The following PGLYRP3 variants were observed in gnomAD, a reference collection of about 807,000 sequenced individuals.
PGLYRP3 encodes the protein peptidoglycan recognition protein 3, also known as peptidoglycan recognition protein I alpha.
In PGLYRP3, 39 loss-of-function variants were observed where a neutral mutation model predicts 36.0. That is an observed-to-expected ratio of 1.08 (90% CI 0.84 to 1.41). The LOEUF (loss-of-function observed/expected upper bound fraction) is 1.41, where lower values mean the gene tolerates loss of function less well. PGLYRP3 is among the 40% of genes most tolerant of loss of function. The probability of loss-of-function intolerance (pLI) is 0.00; values close to 1 mark genes in which losing one functional copy is unlikely to be tolerated. For missense variants in PGLYRP3, 407 were observed against 427.9 expected, an observed-to-expected ratio of 0.95 and a Z score of 0.43; for synonymous variants, 204 against 172.8, an observed-to-expected ratio of 1.18 and a Z score of -1.42.
At position 153,297,874 on chromosome 1, in the gene PGLYRP3, G is replaced by T. The variant is rs1319994226; in HGVS notation, c.*82C>A. 6.8e-7 allele frequency: 1 copy of T among 1,478,436 alleles called. No homozygotes were observed. Among genetic ancestry groups the T allele is most frequent in the African/African-American group, 1.4e-5 (1 of 71,838 alleles). The allele number at this position is 1,478,436 out of a possible 1,614,324, so 91.6% of individuals were successfully genotyped here. The stretch of plus-strand genomic sequence containing the variant: ...GGGCTGGCAGGGGAGGGGGACACAA[G>T]GTGCTGAGCCACCTTGGCTGGTGAG... On this transcript the variant is annotated 3_prime_UTR_variant, in exon 8 of 8. Transcript: ENST00000683862.
chr1:153,310,585 T>A (rs1659869593), intron 2 of PGLYRP3, 26 bp downstream of exon 2: 1 of 1,612,318 alleles, frequency 6.2e-7, no homozygotes, highest in Admixed American at 1.7e-5. Context: ...TCAAAAGCAC[T>A]TCTGATGCAA....
chr1:153,302,390 T>G lies in PGLYRP3; in HGVS notation c.728+19A>C. On this transcript the variant is annotated intron_variant, in intron 6 of 7. Coordinates refer to ENST00000683862, the MANE Select transcript of PGLYRP3 (RefSeq NM_052891.3). ...ATCCTGAAGAAAAAGAGGGTTCTTT[T>G]GGCATTGATCCCACTTACTGATATC... 6.2e-7 allele frequency: 1 copy of G among 1,611,958 alleles called. No homozygotes were observed. Among genetic ancestry groups the G allele is most frequent in the Non-Finnish European group, 8.5e-7 (1 of 1,178,044 alleles).
chr1:153,303,699 G>T (rs1659659507), intron 5 of PGLYRP3, among the ~76,000 whole-genome samples, 158 bp downstream of exon 5: 1 of 152,214 alleles, frequency 6.6e-6, no homozygotes, highest in Admixed American at 6.5e-5. Flanking sequence ...AGGCCAGGAA[G>T]ATGCCCTCTC....
Position 153,298,112 on chromosome 1 carries a change from C to A in PGLYRP3, c.870G>T (p.Ala290=). The change falls in exon 8 of 8, where the codon GCG becomes GCT. Residue 290 remains alanine (A), a synonymous_variant. Coordinates refer to ENST00000683862, the MANE Select transcript of PGLYRP3 (RefSeq NM_052891.3). ...GGATCAGGTCCTGGGCCGCCTCCAG[C>A]GCTGCAGCATTTGGAGGCTTTTCTG... ...YFVEKPPNAA[A]LEAAQDLIQC... 6.2e-7 allele frequency: 1 copy of A among 1,613,892 alleles called. No individual in the cohort carries two copies.
At chr1:153,303,288 G>A (rs1211669425) in intron 5 of PGLYRP3, among the ~76,000 whole-genome samples, 4 of 152,184 alleles carry the variant, frequency 2.6e-5, no homozygotes, top group African/African-American at 9.7e-5. Flanking sequence ...GTGAGCACAA[G>A]CTTTTCTCCG....
Position 153,297,646 on chromosome 1 carries a change from G to C in PGLYRP3, c.*310C>G, listed in dbSNP as rs933407153. Among the ~76,000 whole-genome samples, 2 of 151,952 alleles carry C rather than the reference G, an allele frequency of 1.3e-5. No homozygotes were observed. The highest frequency in any genetic ancestry group is 2.4e-5 in the African/African-American group (1 of 41,318). ...AAGAAAGAAGAGGAGACAGGGGTTG[G>C]GGGGAGAGAGAGAGAAATGCCACAA... is the stretch of plus-strand genomic sequence containing the variant. On this transcript the variant is annotated 3_prime_UTR_variant, in exon 8 of 8. Coordinates refer to ENST00000683862, the MANE Select transcript of PGLYRP3 (RefSeq NM_052891.3).
At position 153,310,700 on chromosome 1, in the gene PGLYRP3, G is replaced by T. The variant is rs148920280; in HGVS notation, c.-35C>A. On this transcript the variant is annotated 5_prime_UTR_variant, in exon 2 of 8. Coordinates refer to ENST00000683862, the MANE Select transcript of PGLYRP3 (RefSeq NM_052891.3). ...GGACTCTGACCGGGAGAGTGTGGACGGCAGCCCTGGAAGAGAGGCTAACAG... is the reference window on the plus strand; with the variant it reads ...GGACTCTGACCGGGAGAGTGTGGACTGCAGCCCTGGAAGAGAGGCTAACAG... 93 of 1,598,382 alleles carry T rather than the reference G, an allele frequency of 5.8e-5. 1 individual carries two copies. In the East Asian group the frequency reaches 2.1e-3, roughly 35 times the overall value.
chr1:153,297,614 G>C lies in PGLYRP3; in HGVS notation c.*342C>G, dbSNP rs1429278577. On this transcript the variant is annotated 3_prime_UTR_variant, in exon 8 of 8. Coordinates refer to ENST00000683862, the MANE Select transcript of PGLYRP3 (RefSeq NM_052891.3). ...AAAGAAAGAAAGAAAGAGAAAGGAA[G>C]CAAAGAAAGAAAGAAGAGGAGACAG... Among the ~76,000 whole-genome samples the C allele has an allele frequency of 6.7e-6, 1 of 148,464 alleles. No individual in the cohort carries two copies. The highest frequency in any genetic ancestry group is 1.5e-5 in the Non-Finnish European group (1 of 67,720).
Position 153,297,537 on chromosome 1 carries a change from AG to A in PGLYRP3, c.*418del, listed in dbSNP as rs1557805248. 4.5e-4 allele frequency among the ~76,000 whole-genome samples: 41 copies of A among 91,254 alleles called. No individual in the cohort carries two copies. The highest frequency in any genetic ancestry group is 1.7e-3 in the African/African-American group (39 of 22,460). 59.9% of individuals were successfully genotyped at this position (91,254 alleles called of 152,430 possible). On this transcript the variant is annotated 3_prime_UTR_variant, in exon 8 of 8. Transcript: ENST00000683862. ...AAGGAAGGAAGGAAGGAAGGAAGGA[AG>A]GAAGGAAGGAAGGAAAGAAAGAAAA...
chr1:153,303,730 G>A, intron 5 of PGLYRP3, 127 bp downstream of exon 5: 1 of 1,122,280 alleles, frequency 8.9e-7, no homozygotes, highest in Non-Finnish European at 1.2e-6. Context: ...AGATCTCAAA[G>A]TAGGCATGAG....
intron 6 of PGLYRP3, among the ~76,000 whole-genome samples, chr1:153,299,733 A>G (rs1458651884): frequency 6.6e-6 from 1 of 152,168 alleles, no homozygotes; most frequent in Non-Finnish European, 1.5e-5. Context: ...AGCTTCAAGT[A>G]CTACCTGTAA....
Position 153,298,047 on chromosome 1 carries a change from A to G in PGLYRP3, c.935T>C (p.Leu312Pro), listed in dbSNP as rs762385160. ...VVEGYLTPNY[L>P]LMGHSDVVNI... ...GACCACGTCACTGTGGCCCATCAGC[A>G]GGTAGTTTGGAGTCAGGTACCCCTC... The change falls in exon 8 of 8, where the codon CTG becomes CCG. Residue 312 changes from leucine to proline, a missense_variant. Coordinates refer to ENST00000683862, the MANE Select transcript of PGLYRP3 (RefSeq NM_052891.3). 6.2e-7 allele frequency: 1 copy of G among 1,614,092 alleles called. No individual in the cohort carries two copies. Among genetic ancestry groups the G allele is most frequent in the South Asian group, 1.1e-5 (1 of 91,084 alleles).
rs374948355 is a variant in PGLYRP3, at chr1:153,297,924, G to A, written c.*32C>T. ...GGGTTGGAGAGACCCAGCAGGGGAG[G>A]GAGGGCAGTCTCAAAGGGAGTGGGG... On this transcript the variant is annotated 3_prime_UTR_variant, in exon 8 of 8. Coordinates refer to ENST00000683862, the MANE Select transcript of PGLYRP3 (RefSeq NM_052891.3). 29 of 1,606,302 alleles carry A rather than the reference G, an allele frequency of 1.8e-5. No homozygotes were observed. The highest frequency in any genetic ancestry group is 2.1e-5 in the Non-Finnish European group (25 of 1,174,820).
At chr1:153,298,652 T>C (rs1468722483) in intron 7 of PGLYRP3, among the ~76,000 whole-genome samples, 3 of 151,860 alleles carry the variant, frequency 2.0e-5, no homozygotes, top group Non-Finnish European at 4.4e-5. Flanking sequence ...CAAAAATAAA[T>C]AAATAAATAT....
chr1:153,305,170 A>G (rs558382535), intron 3 of PGLYRP3, 105 bp from the exon 4 acceptor site: 6 of 826,312 alleles, frequency 7.3e-6, no homozygotes, highest in African/African-American at 5.2e-5. Context: ...AGTAAGTACT[A>G]TGTTCCAATA....
chr1:153,309,733 A>G (rs996237688), intron 2 of PGLYRP3, among the ~76,000 whole-genome samples: 2 of 152,166 alleles, frequency 1.3e-5, no homozygotes, highest in African/African-American at 4.8e-5. Context: ...CACTTTACAA[A>G]TGAAACCCAC....
At chr1:153,307,510 G>C (rs1229623426) in intron 2 of PGLYRP3, among the ~76,000 whole-genome samples, 1 of 152,094 alleles carries the variant, frequency 6.6e-6, no homozygotes, top group Non-Finnish European at 1.5e-5. Context: ...ATCTCTCCTT[G>C]TCTTTCCCTG....
Position 153,307,813 on chromosome 1 carries a change from C to G in PGLYRP3, c.56-546G>C, listed in dbSNP as rs113271600. Among the ~76,000 whole-genome samples, 511 of 152,230 alleles carry G rather than the reference C, an allele frequency of 3.4e-3. 2 individuals carry two copies. The highest frequency in any genetic ancestry group is 0.011 in the African/African-American group (469 of 41,530). On this transcript the variant is annotated intron_variant, in intron 2 of 7. Coordinates refer to ENST00000683862, the MANE Select transcript of PGLYRP3 (RefSeq NM_052891.3). The stretch of plus-strand genomic sequence containing the variant: ...GGGGTCTGCACCTCTTTCTTCCGGG[C>G]GAACACTCCCTAGCGGCAGGGCTGT...
Position 153,307,232 on chromosome 1 carries a change from C to T in PGLYRP3, c.91G>A (p.Ala31Thr), listed in dbSNP as rs369093535. 2 of 1,608,868 alleles carry T rather than the reference C, an allele frequency of 1.2e-6. No homozygotes were observed. The highest frequency in any genetic ancestry group is 1.1e-5 in the South Asian group (1 of 89,936). Residue 31 changes from alanine (A) to threonine (T), a missense_variant, in exon 3 of 8, where the codon GCA becomes ACA. Transcript: ENST00000683862. Reference sequence around the variant, plus strand: ...AGGGCCCTGCAGGCGAGCGGTCTTGCCCCCCACTCCTTGCGGGAGACGATG... The same window carrying T: ...AGGGCCCTGCAGGCGAGCGGTCTTGTCCCCCACTCCTTGCGGGAGACGATG... The part of the protein sequence containing the change: ...PTIVSRKEWG[A>T]RPLACRALLT...
Sources: gnomAD v4.1 joint callset for allele counts (sites outside exome capture counted in the v4.1 genomes callset) on GRCh38, gnomAD v4.1.1 for gene constraint, MANE v1.5 for transcripts, NCBI Gene and HGNC (gene_info 2026-07-23, HGNC 2026-07-21) for gene names.